Variants in SLC49A4 observed in about 807,000 individuals in gnomAD.
SLC49A4 encodes disrupted in renal cancer protein 2.
In SLC49A4, 36 loss-of-function variants were observed where a neutral mutation model predicts 50.6. The observed-to-expected ratio is 0.71, with a 90% CI of 0.55 to 0.94. SLC49A4 has a LOEUF of 0.94. SLC49A4 is among the 40% of genes least tolerant of loss of function. SLC49A4 has a pLI of 0.00. For synonymous variants in SLC49A4, 248 were observed against 241.2 expected (o/e 1.03, Z -0.26); for missense variants, 503 against 605.7 (o/e 0.83, Z 1.78).
intron 5 of SLC49A4, among the ~76,000 whole-genome samples, chr3:122,848,269 C>T (rs1042480607): frequency 5.9e-5 from 9 of 151,968 alleles, no homozygotes; most frequent in Non-Finnish European, 7.4e-5. Context: ...CTTCACTGCC[C>T]TCTATTCATC....
Position 122,845,781 on chromosome 3 carries a change from G to A in SLC49A4, c.852G>A (p.Met284Ile). The change falls in exon 5 of 9, where the codon ATG (methionine) becomes ATA (isoleucine). Residue 284 changes from methionine to isoleucine, a missense_variant. Transcript: ENST00000261038. ...TTCACAGCAATTTTCGATTTTTGAT[G>A]ATTGCTTTAGCATATGCCATACCAC... Reference protein sequence around the residue: ...CRLLSNFRFLMIALAYAIPLG... With the variant: ...CRLLSNFRFLIIALAYAIPLG... The A allele has an allele frequency of 6.3e-7, 1 of 1,584,096 alleles. No homozygotes were observed. Among genetic ancestry groups the A allele is most frequent in the Non-Finnish European group, 8.6e-7 (1 of 1,167,282 alleles).
intron 6 of SLC49A4, among the ~76,000 whole-genome samples, chr3:122,859,753 A>G (rs994715372): frequency 1.4e-4 from 22 of 152,130 alleles, no homozygotes; most frequent in Admixed American, 1.2e-3. Flanking sequence ...CTGGGAGGTG[A>G]GGCTGCAGTG....
intron 4 of SLC49A4, among the ~76,000 whole-genome samples, chr3:122,844,279 C>T (rs1439952212): frequency 6.6e-6 from 1 of 152,122 alleles, no homozygotes; most frequent in African/African-American, 2.4e-5. Flanking sequence ...CACTATCTTG[C>T]TCAGGCTGAT....
chr3:122,879,433 C>A lies in SLC49A4; in HGVS notation c.*55C>A, dbSNP rs1415022192. The A allele has an allele frequency of 7.7e-7, 1 of 1,302,176 alleles. No individual in the cohort carries two copies. The highest frequency in any genetic ancestry group is 2.4e-5 in the East Asian group (1 of 42,390). The allele number at this position is 1,302,176 out of a possible 1,614,324, so 80.7% of individuals were successfully genotyped here. A position where few individuals can be genotyped will look rare whatever the true frequency, so the allele number is the denominator to read the frequency against. On this transcript the variant is annotated 3_prime_UTR_variant, in exon 9 of 9. Coordinates refer to ENST00000261038, the MANE Select transcript of SLC49A4 (RefSeq NM_032839.3). ...GGCTGGAAATCAATACTGCACACTG[C>A]ACATTTGCTCAGAATTGCACATCTA...
At chr3:122,839,523 GA>G (rs1486547641) in intron 4 of SLC49A4, among the ~76,000 whole-genome samples, 1 of 151,510 alleles carries the variant, frequency 6.6e-6, no homozygotes, top group African/African-American at 2.4e-5. Flanking sequence ...ATCTACAAAG[GA>G]ACTCAAACAG....
At chr3:122,829,508 T>C (rs1393292332) in intron 3 of SLC49A4, among the ~76,000 whole-genome samples, 1 of 152,158 alleles carries the variant, frequency 6.6e-6, no homozygotes, top group Non-Finnish European at 1.5e-5. Flanking sequence ...ATCCCAGCAC[T>C]GTGGGAGGCC....
chr3:122,826,508 G>A (rs1183133232), intron 2 of SLC49A4, among the ~76,000 whole-genome samples: 1 of 152,066 alleles, frequency 6.6e-6, no homozygotes, highest in Admixed American at 6.5e-5. Flanking sequence ...ATGAAGCAAG[G>A]TTCTAAGTAC....
chr3:122,812,415 A>T (rs745373892), intron 2 of SLC49A4, among the ~76,000 whole-genome samples: 2 of 152,238 alleles, frequency 1.3e-5, no homozygotes, highest in African/African-American at 4.8e-5. Flanking sequence ...TAGATTTAAG[A>T]ACTAAGACTT....
intron 2 of SLC49A4, among the ~76,000 whole-genome samples, chr3:122,814,021 A>G (rs1309386831): frequency 6.6e-6 from 1 of 152,244 alleles, no homozygotes; most frequent in Non-Finnish European, 1.5e-5. Context: ...CTGTAATCAC[A>G]GCAGTTTAGG....
intron 2 of SLC49A4, among the ~76,000 whole-genome samples, chr3:122,822,521 G>A (rs1444435794): frequency 6.6e-6 from 1 of 152,172 alleles, no homozygotes; most frequent in Non-Finnish European, 1.5e-5. Context: ...ACACTCCACT[G>A]AAACTGCTTC....
intron 1 of SLC49A4, among the ~76,000 whole-genome samples, chr3:122,798,102 G>A (rs1936073744): frequency 6.6e-6 from 1 of 152,158 alleles, no homozygotes; most frequent in Non-Finnish European, 1.5e-5. Flanking sequence ...TTCTGTTCCA[G>A]GATTCGGTCT....
At position 122,860,159 on chromosome 3, in the gene SLC49A4, C is replaced by T; in HGVS notation, c.1095C>T (p.Thr365=). 6.2e-7 allele frequency: 1 copy of T among 1,612,798 alleles called. No homozygotes were observed. Among genetic ancestry groups the T allele is most frequent in the East Asian group, 2.2e-5 (1 of 44,760 alleles). The change falls in exon 7 of 9, where the codon ACC becomes ACT. Residue 365 remains threonine (T), a synonymous_variant. Transcript: ENST00000261038. ...CTACACTGTCATCCACGTGGTTCAC[C>T]CTGACCTGTTTGAACAGCATCACAC... ...SGATLSSTWF[T]LTCLNSITHL...
intron 1 of SLC49A4, among the ~76,000 whole-genome samples, chr3:122,804,097 A>G (rs1444294953): frequency 2.6e-5 from 4 of 152,194 alleles, no homozygotes; most frequent in African/African-American, 9.7e-5. Context: ...TGCGGGTTTT[A>G]CAGGAAACAT....
At chr3:122,877,642 T>TA (rs1937282434) in intron 8 of SLC49A4, among the ~76,000 whole-genome samples, 1 of 152,234 alleles carries the variant, frequency 6.6e-6, no homozygotes. Context: ...TACTTTTTTT[T>TA]ATCTGTTGCT....
intron 4 of SLC49A4, among the ~76,000 whole-genome samples, chr3:122,836,116 G>T (rs1936681159): frequency 6.6e-6 from 1 of 152,148 alleles, no homozygotes; most frequent in Non-Finnish European, 1.5e-5. Flanking sequence ...CATTCAGTGT[G>T]ATATTGGCTG....
At chr3:122,850,745 A>G (rs1393317839) in intron 5 of SLC49A4, among the ~76,000 whole-genome samples, 4 of 152,110 alleles carry the variant, frequency 2.6e-5, no homozygotes, top group Admixed American at 6.5e-5. Flanking sequence ...AGCTCAAACA[A>G]TCCTTACACT....
Position 122,795,422 on chromosome 3 carries a change from A to T in SLC49A4, c.230A>T (p.Asn77Ile). ...TGGAACACCTGGGGTCCCATCCAGA[A>T]CTCGGCGCGCCAGGCCTACGGCTTC... The part of the protein sequence containing the change: ...LVWNTWGPIQ[N>I]SARQAYGFSS... Residue 77 changes from asparagine (N) to isoleucine (I), a missense_variant, in exon 1 of 9, where the codon AAC becomes ATC. Coordinates refer to ENST00000261038, the MANE Select transcript of SLC49A4 (RefSeq NM_032839.3). 1 of 1,608,060 alleles carries T rather than the reference A, an allele frequency of 6.2e-7. No homozygotes were observed. Among genetic ancestry groups the T allele is most frequent in the Non-Finnish European group, 8.5e-7 (1 of 1,178,998 alleles).
At chr3:122,847,145 T>C (rs1423131637) in intron 5 of SLC49A4, among the ~76,000 whole-genome samples, 1 of 152,144 alleles carries the variant, frequency 6.6e-6, no homozygotes, top group Non-Finnish European at 1.5e-5. Context: ...CTTACTCTAG[T>C]GTAGACCCAT....
At chr3:122,858,213 A>C (rs1937011680) in intron 6 of SLC49A4, among the ~76,000 whole-genome samples, 1 of 152,354 alleles carries the variant, frequency 6.6e-6, no homozygotes, top group African/African-American at 2.4e-5. Flanking sequence ...CCTATTCGAA[A>C]GGACTGGATC....
Sources: gnomAD v4.1 joint callset for allele counts (sites outside exome capture counted in the v4.1 genomes callset) on GRCh38, gnomAD v4.1.1 for gene constraint, MANE v1.5 for transcripts, NCBI Gene and HGNC (gene_info 2026-07-23, HGNC 2026-07-21) for gene names.